The following ATP7B variants were observed in gnomAD, a reference collection of about 807,000 sequenced individuals.
The protein encoded by ATP7B is ATPase copper transporting beta.
ATP7B carries 113 observed loss-of-function variants against 118.9 expected under a neutral mutation model. The observed-to-expected ratio is 0.95, with a 90% confidence interval of 0.82 to 1.11. ATP7B has a LOEUF of 1.11. Among genes scored for constraint, ATP7B ranks in the 50% most tolerant of loss-of-function variants. The pLI is 0.00. For synonymous variants in ATP7B, 777 were observed against 727.4 expected, an observed-to-expected ratio of 1.07 and a Z score of -1.10; for missense variants, 1,867 against 1,871.4, an observed-to-expected ratio of 1.00 and a Z score of 0.04.
chr13:51,982,933 C>G (rs533562250), intron 1 of ATP7B, among the ~76,000 whole-genome samples: 9 of 152,316 alleles, frequency 5.9e-5, no homozygotes, highest in Non-Finnish European at 1.2e-4. Flanking sequence ...CAGGAGATTC[C>G]CTCGGGTGCC....
chr13:51,958,207 T>C, intron 8 of ATP7B, 104 bp downstream of exon 8: 1 of 1,329,474 alleles, frequency 7.5e-7, no homozygotes, highest in Non-Finnish European at 1.1e-6. Context: ...TTTAAGTCTG[T>C]CTCTATGCTG....
chr13:51,982,314 T>C (rs1289841063), intron 1 of ATP7B, among the ~76,000 whole-genome samples: 1 of 152,210 alleles, frequency 6.6e-6, no homozygotes, highest in Admixed American at 6.5e-5. Flanking sequence ...CTTGAGGGTA[T>C]GTCTGAGAGT....
Position 51,973,967 on chromosome 13 carries a change from T to C in ATP7B, c.1253A>G (p.Glu418Gly). Residue 418 changes from glutamate to glycine, a missense_variant, in exon 2 of 21, where the codon GAA (glutamate) becomes GGA (glycine). Physicochemically the swap from Glu to Gly is moderately conservative, Grantham distance 98. Transcript: ENST00000242839. ...GACTGAAGCCTCAAATCCCATGTCT[T>C]CTATAGCAGCTCTGAGTTCTTCTGG... ...ISPEELRAAIEDMGFEASVVS... is the reference protein window; with the variant it reads ...ISPEELRAAIGDMGFEASVVS... 2 of 1,614,256 alleles carry C rather than the reference T, an allele frequency of 1.2e-6. No individual in the cohort carries two copies. The highest frequency in any genetic ancestry group is 1.7e-6 in the Non-Finnish European group (2 of 1,180,044).
chr13:51,986,717 AT>A (rs1952666739), intron 1 of ATP7B, among the ~76,000 whole-genome samples: 2 of 152,236 alleles, frequency 1.3e-5, no homozygotes, highest in South Asian at 4.1e-4. Context: ...CTTATCCACC[AT>A]GATCAAGTCG....
chr13:51,995,085 TCATAGAGTCTTA>T (rs1953137036), intron 1 of ATP7B, among the ~76,000 whole-genome samples: 3 of 152,202 alleles, frequency 2.0e-5, no homozygotes, highest in South Asian at 2.1e-4. Flanking sequence ...AACTTTTGCT[TCATAGAGTCTTA>T]CAAAATATTC....
At chr13:51,970,870 C>T (rs983938216) in intron 2 of ATP7B, 121 bp from the exon 3 acceptor site, 6 of 801,622 alleles carry the variant, frequency 7.5e-6, no homozygotes, top group Admixed American at 5.1e-5. Flanking sequence ...GCAGCCTCAG[C>T]CCCTGGGCTC....
chr13:51,976,837 T>C (rs1028582743), intron 1 of ATP7B, among the ~76,000 whole-genome samples: 5 of 152,182 alleles, frequency 3.3e-5, no homozygotes, highest in African/African-American at 7.2e-5. Context: ...TGCACCTGTA[T>C]GGGGCACTTA....
At chr13:51,994,728 G>A (rs1953110774) in intron 1 of ATP7B, among the ~76,000 whole-genome samples, 1 of 152,192 alleles carries the variant, frequency 6.6e-6, no homozygotes, top group African/African-American at 2.4e-5. Flanking sequence ...AGGAAGCAAA[G>A]TACTTATGAA....
intron 1 of ATP7B, 92 bp from the exon 2 acceptor site, chr13:51,975,260 A>C: frequency 6.7e-7 from 1 of 1,487,336 alleles, no homozygotes. Flanking sequence ...ATGGAAAACA[A>C]TGCCACTGGT....
chr13:52,003,981 G>A (rs994375844), intron 1 of ATP7B, among the ~76,000 whole-genome samples: 27 of 152,156 alleles, frequency 1.8e-4, no homozygotes, highest in African/African-American at 5.1e-4. Flanking sequence ...AGGACTGGCC[G>A]GGCGCGGTGG....
chr13:51,980,975 C>A (rs934077370), intron 1 of ATP7B, among the ~76,000 whole-genome samples: 1 of 152,148 alleles, frequency 6.6e-6, no homozygotes, highest in Non-Finnish European at 1.5e-5. Flanking sequence ...GCACGCAGAT[C>A]CAATAATAAC....
chr13:51,967,090 G>A, intron 4 of ATP7B: 1 of 1,596,712 alleles, frequency 6.3e-7, no homozygotes, highest in East Asian at 2.2e-5. Flanking sequence ...TGGGAAATTA[G>A]TGGTGGAGTG....
chr13:51,972,617 C>T (rs1468140668), intron 2 of ATP7B, among the ~76,000 whole-genome samples: 1 of 152,184 alleles, frequency 6.6e-6, no homozygotes, highest in African/African-American at 2.4e-5. Flanking sequence ...CGGCCTCCTA[C>T]GTGGTCTCAT....
At chr13:52,005,339 C>A (rs1953714941) in intron 1 of ATP7B, among the ~76,000 whole-genome samples, 1 of 152,186 alleles carries the variant, frequency 6.6e-6, no homozygotes, top group African/African-American at 2.4e-5. Flanking sequence ...ACCCTGCACA[C>A]TCTGCTTAGA....
At chr13:51,940,906 T>C (rs944453744) in intron 16 of ATP7B, among the ~76,000 whole-genome samples, 175 bp downstream of exon 16, 31 of 151,948 alleles carry the variant, frequency 2.0e-4, no homozygotes, top group African/African-American at 7.0e-4. Context: ...ATGGAGCCAG[T>C]GGAAAGAATG....
At chr13:51,964,056 G>T (rs954948840) in intron 5 of ATP7B, among the ~76,000 whole-genome samples, 5 of 146,784 alleles carry the variant, frequency 3.4e-5, no homozygotes, top group Non-Finnish European at 7.5e-5. Context: ...GTCAAAAAAA[G>T]AAAGAAAAAA....
At chr13:51,949,291 A>C (rs978425154) in intron 12 of ATP7B, among the ~76,000 whole-genome samples, 5 of 152,234 alleles carry the variant, frequency 3.3e-5, no homozygotes, top group Non-Finnish European at 5.9e-5. Flanking sequence ...TATTTTTCTT[A>C]AAATGTATTA....
Position 51,974,196 on chromosome 13 carries a change from T to A in ATP7B, c.1024A>T (p.Ser342Cys), listed in dbSNP as rs1951989212. The change falls in exon 2 of 21, where the codon AGT becomes TGT. Residue 342 changes from serine (S) to cysteine (C), a missense_variant. Coordinates refer to ENST00000242839, the MANE Select transcript of ATP7B (RefSeq NM_000053.4). ...GGTGGGGAGCCAGGGGAATGAGAAC[T>A]GGAAGACCTGTGATCTGTCCCACTC... ...EGSGTDHRSS[S>C]SHSPGSPPRN... 1 of 1,613,482 alleles carries A rather than the reference T, an allele frequency of 6.2e-7. No homozygotes were observed. Among genetic ancestry groups the A allele is most frequent in the Non-Finnish European group, 8.5e-7 (1 of 1,179,822 alleles).
At chr13:52,010,190 T>A (rs1410630883) in intron 1 of ATP7B, among the ~76,000 whole-genome samples, 2 of 152,208 alleles carry the variant, frequency 1.3e-5, no homozygotes, top group South Asian at 4.1e-4. Context: ...ATAGTCATCA[T>A]ACCCTACAAA....
Sources: gnomAD v4.1 joint callset for allele counts (sites outside exome capture counted in the v4.1 genomes callset) on GRCh38, gnomAD v4.1.1 for gene constraint, MANE v1.5 for transcripts, NCBI Gene and HGNC (gene_info 2026-07-23, HGNC 2026-07-21) for gene names.